Variants in CSMD1 observed in about 807,000 individuals in gnomAD.
CSMD1 encodes the protein CUB and Sushi multiple domains 1, also known as CUB and sushi domain-containing protein 1.
In CSMD1, 213 loss-of-function variants were observed where a neutral mutation model predicts 417.5. The observed-to-expected ratio is 0.51, with a 90% CI of 0.46 to 0.57. The LOEUF (loss-of-function observed/expected upper bound fraction) is 0.57, where lower values mean the gene tolerates loss of function less well. Ranked by LOEUF, CSMD1 falls within the 20% of genes least tolerant of loss-of-function variation. CSMD1 has a pLI of 0.00. For synonymous variants in CSMD1, 2,862 were observed against 1,736.8 expected, an observed-to-expected ratio of 1.65 and a Z score of -16.11; for missense variants, 6,923 against 4,529.7, an observed-to-expected ratio of 1.53 and a Z score of -15.17.
intron 62 of CSMD1, among the ~76,000 whole-genome samples, chr8:2,959,410 TATCAGGAACGGTGTCC>T (rs1448781556): frequency 6.6e-6 from 1 of 152,184 alleles, no homozygotes; most frequent in Non-Finnish European, 1.5e-5. Context: ...ACTTCCTCTC[TATCAGGAACGGTGTCC>T]ATCAACTCTC....
At chr8:2,983,778 G>T (rs934718420) in intron 54 of CSMD1, among the ~76,000 whole-genome samples, 2 of 152,132 alleles carry the variant, frequency 1.3e-5, no homozygotes, top group African/African-American at 4.8e-5. Flanking sequence ...TAGAAGCTCT[G>T]CCTGGGGCCA....
intron 1 of CSMD1, among the ~76,000 whole-genome samples, chr8:4,830,186 G>A (rs894976419): frequency 7.2e-5 from 11 of 152,144 alleles, no homozygotes; most frequent in African/African-American, 1.2e-4. Context: ...TTACAGCAAT[G>A]GGATTGTGAA....
chr8:3,076,778 G>T (rs1291505489), intron 49 of CSMD1, among the ~76,000 whole-genome samples: 1 of 152,194 alleles, frequency 6.6e-6, no homozygotes, highest in African/African-American at 2.4e-5. Flanking sequence ...CCCAGGCTTT[G>T]CGCAAAATGC....
chr8:4,921,648 A>G (rs1310069241), intron 1 of CSMD1, among the ~76,000 whole-genome samples: 1 of 152,202 alleles, frequency 6.6e-6, no homozygotes, highest in Non-Finnish European at 1.5e-5. Context: ...ACAAGTGTGA[A>G]TTACCCACAG....
intron 2 of CSMD1, among the ~76,000 whole-genome samples, chr8:4,436,991 T>C (rs939316103): frequency 5.9e-5 from 9 of 152,180 alleles, no homozygotes; most frequent in Non-Finnish European, 1.3e-4. Context: ...CTTGCTCAGC[T>C]TTCTAGGACT....
At chr8:3,742,270 T>C (rs1796843550) in intron 6 of CSMD1, among the ~76,000 whole-genome samples, 1 of 152,202 alleles carries the variant, frequency 6.6e-6, no homozygotes, top group Non-Finnish European at 1.5e-5. Flanking sequence ...TCCTAAGATT[T>C]CAGGTAAACA....
At chr8:4,969,693 AG>A (rs1237191347) in intron 1 of CSMD1, among the ~76,000 whole-genome samples, 2 of 152,006 alleles carry the variant, frequency 1.3e-5, no homozygotes, top group Non-Finnish European at 2.9e-5. Flanking sequence ...GGGGACTTGG[AG>A]GGAAGATTCC....
intron 1 of CSMD1, among the ~76,000 whole-genome samples, chr8:4,746,284 G>C (rs1033798304): frequency 2.6e-5 from 4 of 152,184 alleles, no homozygotes; most frequent in Admixed American, 6.5e-5. Flanking sequence ...CGTACTTAGA[G>C]CCTGGTGCCC....
At chr8:3,141,438 A>G (rs1818470931) in intron 41 of CSMD1, among the ~76,000 whole-genome samples, 1 of 152,146 alleles carries the variant, frequency 6.6e-6, no homozygotes, top group African/African-American at 2.4e-5. Context: ...CCTTTCCCGA[A>G]AAGACCCCCT....
intron 13 of CSMD1, among the ~76,000 whole-genome samples, chr8:3,408,460 A>G (rs938970565): frequency 6.6e-6 from 1 of 151,312 alleles, no homozygotes; most frequent in African/African-American, 2.5e-5. Context: ...ATCAAGCACA[A>G]GCGTGGTTCA....
At chr8:2,946,227 T>C (rs76513231) in intron 68 of CSMD1, among the ~76,000 whole-genome samples, 2,276 of 152,342 alleles carry the variant, frequency 0.015, 64 homozygotes, top group African/African-American at 0.052. Context: ...AATGTCATTA[T>C]GCGATGCGTG....
chr8:4,070,439 G>C (rs889136709), intron 3 of CSMD1, among the ~76,000 whole-genome samples: 2 of 151,846 alleles, frequency 1.3e-5, no homozygotes, highest in South Asian at 4.2e-4. Context: ...CTCACTGCAA[G>C]CTCCGCCTCC....
At chr8:4,424,980 G>C (rs542025565) in intron 2 of CSMD1, among the ~76,000 whole-genome samples, 31 of 152,112 alleles carry the variant, frequency 2.0e-4, no homozygotes, top group Admixed American at 5.3e-4. Context: ...AAATAATCTA[G>C]TAACCAAAAT....
intron 1 of CSMD1, among the ~76,000 whole-genome samples, chr8:4,904,918 T>C (rs1020958460): frequency 6.6e-6 from 1 of 152,140 alleles, no homozygotes; most frequent in Admixed American, 6.5e-5. Flanking sequence ...AGCACTTCTG[T>C]AGAATACTGT....
At chr8:3,354,109 TG>T (rs1315839746) in intron 21 of CSMD1, among the ~76,000 whole-genome samples, 2 of 152,196 alleles carry the variant, frequency 1.3e-5, no homozygotes, top group Non-Finnish European at 2.9e-5. Context: ...GTCATTTTAT[TG>T]GGGACATTAA....
intron 3 of CSMD1, among the ~76,000 whole-genome samples, chr8:4,312,410 T>TATATATATACGCATATATATATAC (rs1563435181): frequency 2.2e-4 from 28 of 124,588 alleles, no homozygotes; most frequent in African/African-American, 1.3e-3. Flanking sequence ...TATATATGCG[T>TATATATATACGCATATATATATAC]GTATATATAT....
chr8:3,625,317 A>C (rs1489891436), intron 7 of CSMD1, among the ~76,000 whole-genome samples: 1 of 152,194 alleles, frequency 6.6e-6, no homozygotes, highest in Non-Finnish European at 1.5e-5. Flanking sequence ...TAGATCTCAT[A>C]CTAATGGATC....
At chr8:4,311,628 CAGG>C (rs1798578690) in intron 3 of CSMD1, among the ~76,000 whole-genome samples, 1 of 149,574 alleles carries the variant, frequency 6.7e-6, no homozygotes, top group Admixed American at 6.8e-5. Flanking sequence ...GAAGCTTAGA[CAGG>C]AGAATTGCTT....
intron 37 of CSMD1, among the ~76,000 whole-genome samples, chr8:3,170,758 G>A (rs972242985): frequency 1.3e-5 from 2 of 152,210 alleles, no homozygotes; most frequent in African/African-American, 4.8e-5. Context: ...AGTGAACTGT[G>A]TAAGTTTGTA....
Sources: gnomAD v4.1 joint callset for allele counts (sites outside exome capture counted in the v4.1 genomes callset) on GRCh38, gnomAD v4.1.1 for gene constraint, MANE v1.5 for transcripts, NCBI Gene and HGNC (gene_info 2026-07-23, HGNC 2026-07-21) for gene names.